SCARB1: variants seen among roughly 807,000 people sequenced by gnomAD.
SCARB1 encodes CD36 and LIMPII analogous 1.
SCARB1 carries 30 observed loss-of-function variants against 57.2 expected under a neutral mutation model. The ratio of observed to expected loss-of-function variants is 0.52; its 90% confidence interval spans 0.39 to 0.71. The LOEUF (loss-of-function observed/expected upper bound fraction) is 0.71. Among genes scored for constraint, SCARB1 ranks in the 30% least tolerant of loss-of-function variants. The pLI is 0.00. For synonymous variants in SCARB1, 249 were observed against 268.3 expected (o/e 0.93, Z 0.70); for missense variants, 543 against 671.2 (o/e 0.81, Z 2.11).
intron 7 of SCARB1, among the ~76,000 whole-genome samples, chr12:124,805,940 T>C (rs1950307895): frequency 6.6e-6 from 1 of 152,154 alleles, no homozygotes; most frequent in African/African-American, 2.4e-5. Flanking sequence ...GGAAATGTTC[T>C]CTATCTGTGC....
At chr12:124,792,922 T>C (rs1221788026) in intron 9 of SCARB1, among the ~76,000 whole-genome samples, 1 of 64 alleles carries the variant, frequency 0.016, no homozygotes, top group African/African-American at 0.062. Context: ...TCGCCTCTTC[T>C]ATCTGGTCAC....
chr12:124,795,769 C>T (rs1949925183), intron 8 of SCARB1, among the ~76,000 whole-genome samples: 2 of 152,298 alleles, frequency 1.3e-5, no homozygotes, highest in South Asian at 4.1e-4. Flanking sequence ...CTTTAATACC[C>T]CTCTAATACA....
chr12:124,820,071 G>A (rs1196341328), intron 1 of SCARB1, among the ~76,000 whole-genome samples: 2 of 152,302 alleles, frequency 1.3e-5, no homozygotes, highest in African/African-American at 4.8e-5. Flanking sequence ...TGCCATAATT[G>A]TTTATTGATA....
At chr12:124,808,731 C>T (rs908272536) in intron 6 of SCARB1, among the ~76,000 whole-genome samples, 1 of 152,160 alleles carries the variant, frequency 6.6e-6, no homozygotes, top group Non-Finnish European at 1.5e-5. Flanking sequence ...CCACGGCAGC[C>T]ACTCAGCACG....
chr12:124,813,472 C>T (rs927201343), intron 4 of SCARB1, among the ~76,000 whole-genome samples: 8 of 152,156 alleles, frequency 5.3e-5, no homozygotes, highest in Admixed American at 2.0e-4. Flanking sequence ...AACAGCCTAC[C>T]GCTAGACTTT....
At chr12:124,844,982 G>A (rs1952081877) in intron 1 of SCARB1, among the ~76,000 whole-genome samples, 1 of 152,046 alleles carries the variant, frequency 6.6e-6, no homozygotes, top group Non-Finnish European at 1.5e-5. Context: ...GCAGGAGGCA[G>A]GGCCGGGATC....
At chr12:124,799,220 C>T (rs10773105) in intron 8 of SCARB1, among the ~76,000 whole-genome samples, 95,020 of 152,034 alleles carry the variant, frequency 0.62, 31,167 homozygotes, top group African/African-American at 0.82. Flanking sequence ...AGCTTTTCTT[C>T]TTCAATTTAG....
intron 6 of SCARB1, 115 bp from the exon 7 acceptor site, chr12:124,808,042 G>A: frequency 1.0e-6 from 1 of 988,486 alleles, no homozygotes; most frequent in South Asian, 1.3e-5. Context: ...CCACCTCCCG[G>A]GTCCAAACCG....
intron 1 of SCARB1, among the ~76,000 whole-genome samples, chr12:124,836,780 C>CAAG (rs1220208152): frequency 1.3e-5 from 2 of 152,090 alleles, no homozygotes; most frequent in African/African-American, 4.8e-5. Flanking sequence ...GGTGACAGAG[C>CAAG]AAGACCCTGT....
intron 1 of SCARB1, among the ~76,000 whole-genome samples, chr12:124,830,683 A>G (rs1255014694): frequency 6.6e-6 from 1 of 152,142 alleles, no homozygotes; most frequent in African/African-American, 2.4e-5. Flanking sequence ...GGAGGCGTTT[A>G]CACTTGGTAT....
intron 1 of SCARB1, among the ~76,000 whole-genome samples, chr12:124,836,310 G>C (rs1460656649): frequency 6.6e-6 from 1 of 152,192 alleles, no homozygotes; most frequent in East Asian, 1.9e-4. Context: ...ACCTCGGAGA[G>C]CCACTGGGCA....
chr12:124,804,383 A>G (rs1320412304), intron 7 of SCARB1, among the ~76,000 whole-genome samples: 1 of 152,268 alleles, frequency 6.6e-6, no homozygotes, highest in Non-Finnish European at 1.5e-5. Flanking sequence ...GGGACTTGGC[A>G]GAGGCAGCTT....
At chr12:124,805,137 C>G (rs1160360388) in intron 7 of SCARB1, among the ~76,000 whole-genome samples, 2 of 134,926 alleles carry the variant, frequency 1.5e-5, no homozygotes, top group African/African-American at 6.5e-5. Context: ...ACAAGAAGAC[C>G]AAGACAAGAA....
In SCARB1 at chr12:124,814,362, A is replaced by G. The variant is rs201701426; in HGVS notation, c.470T>C (p.Leu157Pro). 4.3e-6 allele frequency: 7 copies of G among 1,614,084 alleles called. No homozygotes were observed. The highest frequency in any genetic ancestry group is 5.9e-6 in the Non-Finnish European group (7 of 1,180,038). ...MMENKPMTLK[L>P]IMTLAFTTLG... Reference sequence around the variant, plus strand: ...GGTGGTGAATGCCAAGGTCATGATGAGCTTCAGGGTCATGGGCTTATTCTC... The same window carrying G: ...GGTGGTGAATGCCAAGGTCATGATGGGCTTCAGGGTCATGGGCTTATTCTC... The change falls in exon 4 of 13, where the codon CTC becomes CCC. Residue 157 changes from leucine (L) to proline (P), a missense_variant. Leu to Pro is a moderately conservative substitution (Grantham distance 98). Transcript: ENST00000261693. This position sits in a 1 kb window ranked among gnomAD's most constrained non-coding sequence, Gnocchi z 4.7.
chr12:124,848,696 T>G (rs1952261666), intron 1 of SCARB1, among the ~76,000 whole-genome samples: 1 of 152,246 alleles, frequency 6.6e-6, no homozygotes, highest in South Asian at 2.1e-4. Flanking sequence ...ACAAGCTGGA[T>G]GCCTCCCTCG....
rs777589647 is a variant in SCARB1 at position 124,814,414 on chromosome 12, C to T, written c.427-9G>A. 8.7e-5 allele frequency: 141 copies of T among 1,612,724 alleles called. No homozygotes were observed. Among genetic ancestry groups the T allele is most frequent in the East Asian group, 1.8e-4 (8 of 44,892 alleles). ...ATCATCACCGCCGCACCCTGCAAGGCGAAGGGACACTAGTGTCAGAGGCTG... is the reference window on the plus strand; with the variant it reads ...ATCATCACCGCCGCACCCTGCAAGGTGAAGGGACACTAGTGTCAGAGGCTG... On this transcript the variant is annotated splice_polypyrimidine_tract_variant and intron_variant, in intron 3 of 12. Coordinates refer to ENST00000261693, the MANE Select transcript of SCARB1 (RefSeq NM_005505.5). The surrounding 1 kb of genome is among the most constrained non-coding windows in gnomAD (Gnocchi z 4.7).
chr12:124,824,863 T>A (rs1951075743), intron 1 of SCARB1, among the ~76,000 whole-genome samples: 1 of 152,226 alleles, frequency 6.6e-6, no homozygotes. Flanking sequence ...CCCAGCATGA[T>A]GCAACTTACG....
At chr12:124,781,602 T>G (rs1037450628) in intron 12 of SCARB1, among the ~76,000 whole-genome samples, 1 of 152,138 alleles carries the variant, frequency 6.6e-6, no homozygotes, top group Non-Finnish European at 1.5e-5. Flanking sequence ...TCCCAGCAGA[T>G]AGGGCGGCCA....
intron 1 of SCARB1, among the ~76,000 whole-genome samples, chr12:124,836,200 G>A (rs1332104256): frequency 2.0e-5 from 3 of 152,228 alleles, no homozygotes; most frequent in African/African-American, 7.2e-5. Context: ...GTACCCAGTA[G>A]GAAGAGCTCA....
Sources: gnomAD v4.1 joint callset for allele counts (sites outside exome capture counted in the v4.1 genomes callset) on GRCh38, gnomAD v4.1.1 for gene constraint, Gnocchi (gnomAD v3.1) non-coding constraint, MANE v1.5 for transcripts, NCBI Gene and HGNC (gene_info 2026-07-23, HGNC 2026-07-21) for gene names.